Variants in MFSD11 observed in about 807,000 individuals in gnomAD.
The protein encoded by MFSD11 is UNC93-like protein MFSD11.
A neutral mutation model predicts 53.5 loss-of-function variants in MFSD11; 36 were observed. The observed-to-expected ratio is 0.67, with a 90% confidence interval of 0.52 to 0.89. MFSD11 has a LOEUF of 0.89. Ranked by LOEUF, MFSD11 falls within the 40% of genes least tolerant of loss-of-function variation. The probability of loss-of-function intolerance (pLI) is 0.00; values close to 1 mark genes in which losing one functional copy is unlikely to be tolerated. For synonymous variants in MFSD11, 186 were observed against 184.9 expected (o/e 1.01, Z -0.05); for missense variants, 530 against 543.9 (o/e 0.97, Z 0.25).
intron 10 of MFSD11, 150 bp from the exon 11 acceptor site, chr17:76,774,847 T>C (rs1598772995): frequency 1.4e-6 from 1 of 722,652 alleles, no homozygotes; most frequent in Non-Finnish European, 2.4e-6. Context: ...TGGTCATCAT[T>C]ATCATTGTCT....
rs2078359096 is a variant in MFSD11, at chr17:76,744,307, C to T, written c.497-15C>T. On this transcript the variant is annotated splice_polypyrimidine_tract_variant and intron_variant, in intron 6 of 12. Coordinates refer to ENST00000685175, the MANE Select transcript of MFSD11 (RefSeq NM_001242532.5). ...TTTGGTCGATACTATCTTGTTTCTT[C>T]TTTTTTCTCCGTAGAGAGTGACCGA... 1 of 1,598,752 alleles carries T rather than the reference C, an allele frequency of 6.3e-7. No homozygotes were observed. Among genetic ancestry groups the T allele is most frequent in the African/African-American group, 1.4e-5 (1 of 73,892 alleles).
chr17:76,799,031 A>G, the MFSD11 span: 9 of 148,568 alleles, frequency 6.1e-5, no homozygotes, highest in Non-Finnish European at 1.3e-4. Flanking sequence ...CCATCTCAAA[A>G]AAAAAAAAAA....
At chr17:76,774,895 A>G (rs2081673738) in intron 10 of MFSD11, 102 bp from the exon 11 acceptor site, 2 of 1,199,412 alleles carry the variant, frequency 1.7e-6, no homozygotes, top group East Asian at 2.4e-5. Flanking sequence ...AAGAAATTTA[A>G]CAAGTGAGAA....
At chr17:76,802,292 A>G in the MFSD11 span, among the ~76,000 whole-genome samples, 124,582 of 152,092 alleles carry the variant, frequency 0.82, 52,436 homozygotes, top group Non-Finnish European at 0.93. Context: ...CAACAAAAAC[A>G]ATTACTGTCA....
intron 7 of MFSD11, among the ~76,000 whole-genome samples, chr17:76,748,296 A>C (rs993670056): frequency 6.6e-6 from 1 of 152,132 alleles, no homozygotes; most frequent in Non-Finnish European, 1.5e-5. Flanking sequence ...TCTTAGTGTG[A>C]TTAGAAGCTG....
the MFSD11 span, among the ~76,000 whole-genome samples, chr17:76,794,700 T>TG: frequency 1.1e-3 from 3 of 2,672 alleles, no homozygotes; most frequent in Non-Finnish European, 3.3e-3. Flanking sequence ...TTTTTTTTTT[T>TG]TTTTTGTTTT....
intron 8 of MFSD11, among the ~76,000 whole-genome samples, chr17:76,765,911 A>C (rs1272395011): frequency 6.6e-6 from 1 of 151,340 alleles, no homozygotes; most frequent in Non-Finnish European, 1.5e-5. Context: ...CTCTGTTATT[A>C]ATGTTCCCCA....
the MFSD11 span, among the ~76,000 whole-genome samples, chr17:76,794,703 T>G: frequency 0.12 from 587 of 5,100 alleles, 74 homozygotes; most frequent in African/African-American, 0.14. Context: ...TTTTTTTTTT[T>G]TTGTTTTGAG....
rs755408027 is a variant in MFSD11, at chr17:76,767,497, TAAG to T, written c.748+47_748+49del. 3.2e-6 allele frequency: 4 copies of T among 1,255,044 alleles called. No individual in the cohort carries two copies. The South Asian group carries it at 5.1e-5, about 16-fold the overall frequency. 77.7% of individuals were successfully genotyped at this position (1,255,044 alleles called of 1,614,324 possible). ...ATTTTCTCTTGCTGCATAATGACAATAAGGAGTTGAAAACGAGCCACGTTATTA... is the reference window on the plus strand; with the variant it reads ...ATTTTCTCTTGCTGCATAATGACAATGAGTTGAAAACGAGCCACGTTATTA... On this transcript the variant is annotated intron_variant, in intron 9 of 12. Coordinates refer to ENST00000685175, the MANE Select transcript of MFSD11 (RefSeq NM_001242532.5).
intron 7 of MFSD11, among the ~76,000 whole-genome samples, chr17:76,747,400 T>C (rs906728521): frequency 1.3e-5 from 2 of 151,910 alleles, no homozygotes; most frequent in African/African-American, 4.8e-5. Context: ...AATGGCGTAG[T>C]CTTGGCTCAC....
At chr17:76,785,536 C>T (rs2145013691), downstream of MFSD11, among the ~76,000 whole-genome samples, 1 of 152,074 alleles carries the variant, frequency 6.6e-6, no homozygotes, top group Non-Finnish European at 1.5e-5. Flanking sequence ...GACAGGGTTT[C>T]ACCATGCTGC....
chr17:76,762,468 C>T (rs2080352107), intron 8 of MFSD11, among the ~76,000 whole-genome samples: 1 of 152,084 alleles, frequency 6.6e-6, no homozygotes, highest in South Asian at 2.1e-4. Context: ...AGATGGAGAC[C>T]ATCCTGGCTA....
At chr17:76,790,938 C>T in the MFSD11 span, among the ~76,000 whole-genome samples, 1 of 139,586 alleles carries the variant, frequency 7.2e-6, no homozygotes, top group African/African-American at 2.8e-5. Flanking sequence ...CAGACTCCAT[C>T]TCAAAAAAAA....
At chr17:76,765,122 G>GT (rs371670550) in intron 8 of MFSD11, among the ~76,000 whole-genome samples, 1 of 151,966 alleles carries the variant, frequency 6.6e-6, no homozygotes, top group African/African-American at 2.4e-5. Context: ...TCTTTTAAAA[G>GT]TTTTTTTAGT....
Position 76,776,943 on chromosome 17 carries a change from G to T in MFSD11, c.1185+402G>T, listed in dbSNP as rs550896232. ...CTGGGGATTATATGCGTGAGCCACC[G>T]CACCTGGTCTATTTTTTTATTTTAT... On this transcript the variant is annotated intron_variant, in intron 12 of 12. Coordinates refer to ENST00000685175, the MANE Select transcript of MFSD11 (RefSeq NM_001242532.5). The surrounding 1 kb of genome is among the most constrained non-coding windows in gnomAD (Gnocchi z 4.2). Among the ~76,000 whole-genome samples the T allele has an allele frequency of 1.3e-5, 2 of 150,050 alleles. No individual in the cohort carries two copies. The highest frequency in any genetic ancestry group is 2.3e-4 in the South Asian group (1 of 4,382).
the MFSD11 span, among the ~76,000 whole-genome samples, chr17:76,793,998 T>G: frequency 6.6e-6 from 1 of 151,228 alleles, no homozygotes; most frequent in Admixed American, 6.6e-5. Context: ...AAGGAACAGT[T>G]TCTCCCCTAG....
the MFSD11 span, among the ~76,000 whole-genome samples, chr17:76,794,083 C>G: frequency 6.6e-6 from 1 of 151,380 alleles, no homozygotes; most frequent in Non-Finnish European, 1.5e-5. Context: ...GCACTTCTGA[C>G]CTCCAGAAGT....
At chr17:76,759,317 CTG>C (rs1366931327) in intron 8 of MFSD11, among the ~76,000 whole-genome samples, 1 of 151,790 alleles carries the variant, frequency 6.6e-6, no homozygotes, top group African/African-American at 2.4e-5. Context: ...GACTGGCACT[CTG>C]TCACCCAGGC....
intron 8 of MFSD11, among the ~76,000 whole-genome samples, chr17:76,764,344 A>T (rs1030851589): frequency 2.0e-5 from 3 of 152,168 alleles, no homozygotes; most frequent in African/African-American, 7.2e-5. Context: ...TGTACATTAG[A>T]TCCTCAGCAC....
Sources: gnomAD v4.1 joint callset for allele counts (sites outside exome capture counted in the v4.1 genomes callset) on GRCh38, gnomAD v4.1.1 for gene constraint, Gnocchi (gnomAD v3.1) non-coding constraint, MANE v1.5 for transcripts, NCBI Gene and HGNC (gene_info 2026-07-23, HGNC 2026-07-21) for gene names.